TRPM3: variants seen among roughly 807,000 people sequenced by gnomAD.
The protein encoded by TRPM3 is transient receptor potential cation channel subfamily M member 3, also known as long transient receptor potential channel 3.
Under a neutral mutation model 181.2 loss-of-function variants are expected in TRPM3, and 77 were observed. The ratio of observed to expected loss-of-function variants is 0.42; its 90% CI spans 0.35 to 0.51. The LOEUF is 0.51. TRPM3 is among the 20% of genes least tolerant of loss of function. The pLI, the probability that TRPM3 is intolerant of heterozygous loss-of-function variation, is 0.01. For missense variants in TRPM3, 1,759 were observed against 2,196.7 expected (o/e 0.80, Z 3.98); for synonymous variants, 745 against 796.4 (o/e 0.94, Z 1.09).
intron 1 of TRPM3, among the ~76,000 whole-genome samples, chr9:71,334,614 C>T (rs1329301571): frequency 6.6e-6 from 1 of 152,082 alleles, no homozygotes; most frequent in African/African-American, 2.4e-5. Flanking sequence ...TGGCCACATC[C>T]CTGAACTATA....
intron 1 of TRPM3, among the ~76,000 whole-genome samples, chr9:71,255,393 T>C (rs2082607877): frequency 6.6e-6 from 1 of 152,186 alleles, no homozygotes; most frequent in Non-Finnish European, 1.5e-5. Flanking sequence ...TTGTGATTCA[T>C]ATAATACCCA....
intron 1 of TRPM3, among the ~76,000 whole-genome samples, chr9:71,238,145 T>C (rs1016529561): frequency 6.6e-6 from 1 of 152,208 alleles, no homozygotes; most frequent in East Asian, 1.9e-4. Context: ...TAGTTTTTTT[T>C]CTATGAAAAA....
chr9:70,849,994 C>G (rs1298367940), intron 3 of TRPM3, among the ~76,000 whole-genome samples: 2 of 152,136 alleles, frequency 1.3e-5, no homozygotes, highest in Non-Finnish European at 2.9e-5. Context: ...ACCGCACCAT[C>G]AAGAGATACC....
At chr9:71,348,834 G>A (rs1482799519) in intron 1 of TRPM3, among the ~76,000 whole-genome samples, 1 of 152,006 alleles carries the variant, frequency 6.6e-6, no homozygotes, top group African/African-American at 2.4e-5. Context: ...TCCTCCCAAA[G>A]TGCTGGGATT....
chr9:71,406,040 C>G (rs1215359878), intron 1 of TRPM3, among the ~76,000 whole-genome samples: 1 of 152,108 alleles, frequency 6.6e-6, no homozygotes, highest in Non-Finnish European at 1.5e-5. Context: ...CTTCAGGAGG[C>G]CAAGGCAGGC....
At chr9:71,193,501 AT>A (rs1257130160) in intron 1 of TRPM3, among the ~76,000 whole-genome samples, 2 of 151,848 alleles carry the variant, frequency 1.3e-5, no homozygotes, top group East Asian at 3.9e-4. Flanking sequence ...ACCTCCTAAA[AT>A]ATCTATTTTC....
intron 9 of TRPM3, among the ~76,000 whole-genome samples, chr9:70,681,091 T>TTG (rs139242596): frequency 0.21 from 32,664 of 151,990 alleles, 3,800 homozygotes; most frequent in South Asian, 0.28. Flanking sequence ...TAATATACTA[T>TTG]TGTGTGTGTT....
chr9:71,097,852 G>A (rs904336014), intron 1 of TRPM3, among the ~76,000 whole-genome samples: 4 of 152,100 alleles, frequency 2.6e-5, no homozygotes, highest in African/African-American at 9.7e-5. Context: ...AACTTGGGAT[G>A]TAACTAGCAG....
chr9:71,364,843 C>T (rs1050024948), intron 1 of TRPM3, among the ~76,000 whole-genome samples: 9 of 152,180 alleles, frequency 5.9e-5, no homozygotes, highest in African/African-American at 1.9e-4. Flanking sequence ...TACTGATACA[C>T]AAGAATACAT....
chr9:71,233,356 G>A (rs2081183669), intron 1 of TRPM3, among the ~76,000 whole-genome samples: 1 of 152,046 alleles, frequency 6.6e-6, no homozygotes, highest in South Asian at 2.1e-4. Context: ...CAAAAATTAA[G>A]GTAAAGTTTC....
At chr9:71,383,513 G>A (rs572847456) in intron 1 of TRPM3, among the ~76,000 whole-genome samples, 1 of 152,212 alleles carries the variant, frequency 6.6e-6, no homozygotes, top group African/African-American at 2.4e-5. Flanking sequence ...TCTCTAAGCT[G>A]GTTTCTGTGT....
At chr9:71,058,311 T>A (rs1418695097) in intron 1 of TRPM3, among the ~76,000 whole-genome samples, 1 of 147,936 alleles carries the variant, frequency 6.8e-6, no homozygotes, top group African/African-American at 2.7e-5. Flanking sequence ...CTCCTGCTGA[T>A]TCTTCAGCTG....
At chr9:71,066,923 C>A (rs1040747536) in intron 1 of TRPM3, among the ~76,000 whole-genome samples, 1 of 152,164 alleles carries the variant, frequency 6.6e-6, no homozygotes, top group Non-Finnish European at 1.5e-5. Flanking sequence ...ACATTCATAA[C>A]CCATATCAGT....
chr9:71,364,763 C>T (rs1442319109), intron 1 of TRPM3, among the ~76,000 whole-genome samples: 2 of 152,058 alleles, frequency 1.3e-5, no homozygotes, highest in African/African-American at 2.4e-5. Context: ...TGGGAAGTGA[C>T]CCAGGGCACT....
intron 1 of TRPM3, among the ~76,000 whole-genome samples, chr9:71,130,972 T>C (rs2074335851): frequency 6.6e-6 from 1 of 152,224 alleles, no homozygotes; most frequent in Non-Finnish European, 1.5e-5. Flanking sequence ...GATGAGAGCA[T>C]GATGTATTTA....
At chr9:71,442,573 C>T (rs1011973983) in intron 1 of TRPM3, among the ~76,000 whole-genome samples, 1 of 151,866 alleles carries the variant, frequency 6.6e-6, no homozygotes, top group Admixed American at 6.6e-5. Flanking sequence ...TATATTTTAC[C>T]TAAATAAAAA....
intron 1 of TRPM3, among the ~76,000 whole-genome samples, chr9:70,878,578 T>C (rs1241278970): frequency 1.3e-5 from 2 of 152,078 alleles, no homozygotes; most frequent in African/African-American, 2.4e-5. Flanking sequence ...AAAATTTCAA[T>C]CCATTACATT....
intron 1 of TRPM3, among the ~76,000 whole-genome samples, chr9:70,922,200 G>A (rs1473782930): frequency 2.0e-5 from 3 of 152,056 alleles, no homozygotes; most frequent in Non-Finnish European, 2.9e-5. Context: ...CCTCAGAAAC[G>A]TAGGCATTTT....
Position 70,910,628 on chromosome 9 carries a change from T to C in TRPM3, c.178-46117A>G, listed in dbSNP as rs1241029194. Among the ~76,000 whole-genome samples the C allele has an allele frequency of 2.0e-5, 3 of 152,204 alleles. No homozygotes were observed. In the East Asian group the frequency reaches 5.8e-4, roughly 29 times the overall value. On this transcript the variant is annotated intron_variant, in intron 1 of 25. Coordinates refer to ENST00000677713, the MANE Select transcript of TRPM3 (RefSeq NM_001366145.2). Reference sequence around the variant, plus strand: ...AGCTGAATCTTTGATTATTGCATTATCACTTTCTATGCTCTTCAGCTTCTA... The same window carrying C: ...AGCTGAATCTTTGATTATTGCATTACCACTTTCTATGCTCTTCAGCTTCTA...
Sources: gnomAD v4.1 joint callset for allele counts (sites outside exome capture counted in the v4.1 genomes callset) on GRCh38, gnomAD v4.1.1 for gene constraint, MANE v1.5 for transcripts, NCBI Gene and HGNC (gene_info 2026-07-23, HGNC 2026-07-21) for gene names.